The following AK4 variants were observed in gnomAD, a reference collection of about 807,000 sequenced individuals.
The protein encoded by AK4 is adenylate kinase 4.
AK4 carries 13 observed loss-of-function variants against 24.6 expected under a neutral mutation model. The observed-to-expected ratio is 0.53, with a 90% CI of 0.34 to 0.84. The LOEUF is 0.84. Among genes scored for constraint, AK4 ranks in the 40% least tolerant of loss-of-function variants. AK4 has a pLI of 0.01. For missense variants in AK4, 192 were observed against 288.2 expected (o/e 0.67, Z 2.42); for synonymous variants, 88 against 107.0 (o/e 0.82, Z 1.10).
intron 1 of AK4, among the ~76,000 whole-genome samples, chr1:65,183,431 T>G (rs754992706): frequency 2.0e-5 from 3 of 152,060 alleles, no homozygotes; most frequent in Admixed American, 6.6e-5. Flanking sequence ...TTTGTATTTT[T>G]GGGGGTTTTG....
intron 2 of AK4, among the ~76,000 whole-genome samples, chr1:65,200,157 A>T (rs1012726282): frequency 7.7e-6 from 1 of 130,276 alleles, no homozygotes; most frequent in Admixed American, 8.1e-5. Flanking sequence ...TTTGCTGCCC[A>T]GGCTGGAGTG....
intron 1 of AK4, among the ~76,000 whole-genome samples, chr1:65,167,835 G>A (rs1650383699): frequency 6.6e-6 from 1 of 152,106 alleles, no homozygotes. Flanking sequence ...TGAGATGAAA[G>A]CCAGCCCCTT....
At chr1:65,225,421 G>A (rs1652422984) in intron 4 of AK4, among the ~76,000 whole-genome samples, 1 of 152,208 alleles carries the variant, frequency 6.6e-6, no homozygotes, top group Admixed American at 6.5e-5. Flanking sequence ...GTTCCGGCCA[G>A]TTATCATTCT....
rs755656526 is a variant in AK4 at position 65,148,552 on chromosome 1, G to A, written c.145G>A (p.Glu49Lys). 2.5e-6 allele frequency: 4 copies of A among 1,599,678 alleles called. No individual in the cohort carries two copies. The Admixed American group carries it at 6.8e-5, about 27-fold the overall frequency. The change falls in exon 1 of 5, where the codon GAA (glutamate) becomes AAA (lysine). Residue 49 changes from glutamate to lysine, a missense_variant and splice_region_variant. Physicochemically the swap from Glu to Lys is moderately conservative, Grantham distance 56. Transcript: ENST00000327299. Reference sequence around the variant, plus strand: ...GCGGGAGAACATCAAGGCCAGCACCGGTGAGGGGCTGCGGGGACGAGGGCC... The same window carrying A: ...GCGGGAGAACATCAAGGCCAGCACCAGTGAGGGGCTGCGGGGACGAGGGCC... ...FLRENIKAST[E>K]VGEMAKQYIE...
chr1:65,165,837 A>G (rs1650311900), intron 1 of AK4: 1 of 152,296 alleles, frequency 6.6e-6, no homozygotes, highest in South Asian at 2.1e-4. Flanking sequence ...GGACTGTAGG[A>G]GAATGGTGGG....
intron 2 of AK4, among the ~76,000 whole-genome samples, chr1:65,212,973 GTTGCAGAC>G (rs1484549167): frequency 6.6e-6 from 1 of 152,204 alleles, no homozygotes; most frequent in Non-Finnish European, 1.5e-5. Flanking sequence ...TGTTTGCTGA[GTTGCAGAC>G]TTGGAAGCCA....
intron 2 of AK4, among the ~76,000 whole-genome samples, chr1:65,214,611 T>C (rs1652069257): frequency 6.6e-6 from 1 of 152,220 alleles, no homozygotes; most frequent in Admixed American, 6.5e-5. Context: ...TGCTTATACC[T>C]AATGTGTTAT....
chr1:65,169,446 C>T (rs1419742307), intron 1 of AK4, among the ~76,000 whole-genome samples: 1 of 152,002 alleles, frequency 6.6e-6, no homozygotes, highest in Non-Finnish European at 1.5e-5. Flanking sequence ...CTGATTTGAC[C>T]ACCCTAGCTC....
chr1:65,181,852 T>G, intron 1 of AK4, among the ~76,000 whole-genome samples: 1 of 152,242 alleles, frequency 6.6e-6, no homozygotes, highest in East Asian at 1.9e-4. Context: ...GCCCCCTCCC[T>G]TTGTGGTTTC....
chr1:65,197,395 C>T (rs1431476428), intron 2 of AK4, among the ~76,000 whole-genome samples: 1 of 152,132 alleles, frequency 6.6e-6, no homozygotes, highest in East Asian at 1.9e-4. Context: ...TTGTAGAAAA[C>T]AACCTTAAAT....
chr1:65,179,191 C>G (rs1650818151), intron 1 of AK4, among the ~76,000 whole-genome samples: 2 of 152,212 alleles, frequency 1.3e-5, no homozygotes. Context: ...ACTGGTTATA[C>G]AGAGCAGGAC....
chr1:65,169,354 A>T (rs572220188), intron 1 of AK4, among the ~76,000 whole-genome samples: 1 of 152,150 alleles, frequency 6.6e-6, no homozygotes, highest in African/African-American at 2.4e-5. Context: ...AACTGTATTG[A>T]TTTATGCCAA....
At chr1:65,171,090 G>C (rs150978167) in intron 1 of AK4, among the ~76,000 whole-genome samples, 1 of 149,904 alleles carries the variant, frequency 6.7e-6, no homozygotes, top group Non-Finnish European at 1.5e-5. Context: ...CGAGTAGCTC[G>C]GACTACAGGC....
At chr1:65,216,685 CTTCTTTTTTTT>C (rs1376905674) in intron 2 of AK4, among the ~76,000 whole-genome samples, 35 of 126,774 alleles carry the variant, frequency 2.8e-4, no homozygotes, top group Non-Finnish European at 1.1e-4. Context: ...TCTTTCTTTT[CTTCTTTTTTTT>C]TTCTTTTTGA....
At chr1:65,223,491 A>C (rs899636630) in intron 3 of AK4, among the ~76,000 whole-genome samples, 1 of 151,876 alleles carries the variant, frequency 6.6e-6, no homozygotes, top group African/African-American at 2.4e-5. Context: ...GCCCCAACCA[A>C]CTGATAAATG....
At chr1:65,151,166 G>C (rs1649759135) in intron 1 of AK4, among the ~76,000 whole-genome samples, 1 of 152,062 alleles carries the variant, frequency 6.6e-6, no homozygotes, top group Non-Finnish European at 1.5e-5. Flanking sequence ...CTCTACGAAG[G>C]TTCGAGGTCA....
intron 4 of AK4, 80 bp from the exon 5 acceptor site, chr1:65,225,983 G>A (rs1205238137): frequency 6.9e-7 from 1 of 1,456,500 alleles, no homozygotes; most frequent in Non-Finnish European, 9.4e-7. Flanking sequence ...GATCATGCTT[G>A]TTTTATATCT....
rs148050582 is a variant in AK4, at chr1:65,159,273, G to A, written c.145+10721G>A. On this transcript the variant is annotated intron_variant, in intron 1 of 4. Coordinates refer to ENST00000327299, the MANE Select transcript of AK4 (RefSeq NM_013410.4). ...CCAGGCCCTGGACTGACTAATGAAT[G>A]CAAATTATCTCTAATTCCCACACAG... 1.3e-4 allele frequency among the ~76,000 whole-genome samples: 20 copies of A among 152,328 alleles called. 1 individual carries two copies. In the East Asian group the frequency reaches 3.9e-3, roughly 29 times the overall value.
intron 1 of AK4, among the ~76,000 whole-genome samples, chr1:65,155,161 C>T (rs755725996): frequency 5.3e-5 from 8 of 151,836 alleles, no homozygotes; most frequent in Non-Finnish European, 1.0e-4. Flanking sequence ...ACATAGGGAG[C>T]GTTTTAAACG....
Sources: gnomAD v4.1 joint callset for allele counts (sites outside exome capture counted in the v4.1 genomes callset) on GRCh38, gnomAD v4.1.1 for gene constraint, MANE v1.5 for transcripts, NCBI Gene and HGNC (gene_info 2026-07-23, HGNC 2026-07-21) for gene names.